WDR47: variants seen among roughly 807,000 people sequenced by gnomAD.
WDR47 encodes the protein WD repeat domain 47, also known as WD repeat-containing protein 47.
WDR47 carries 32 observed loss-of-function variants against 97.2 expected under a neutral mutation model. The ratio of observed to expected loss-of-function variants is 0.33; its 90% CI spans 0.25 to 0.44. The LOEUF (loss-of-function observed/expected upper bound fraction) is 0.44, where lower values mean the gene tolerates loss of function less well. Ranked by LOEUF, WDR47 falls within the 20% of genes least tolerant of loss-of-function variation. WDR47 has a pLI of 1.00. For missense variants in WDR47, 782 were observed against 1,102.3 expected, an observed-to-expected ratio of 0.71 and a Z score of 4.11; for synonymous variants, 375 against 373.5, an observed-to-expected ratio of 1.00 and a Z score of -0.05.
chr1:108,976,156 A>G (rs773373060), intron 13 of WDR47, among the ~76,000 whole-genome samples: 1 of 152,204 alleles, frequency 6.6e-6, no homozygotes, highest in Non-Finnish European at 1.5e-5. Flanking sequence ...CTAAGTGAAA[A>G]TGTGTATCAA....
chr1:109,008,273 C>CTT (rs200754295), intron 5 of WDR47, among the ~76,000 whole-genome samples: 1 of 148,898 alleles, frequency 6.7e-6, no homozygotes, highest in Non-Finnish European at 1.5e-5. Context: ...TCCTATACTT[C>CTT]TTTTTTTTTT....
intron 1 of WDR47, among the ~76,000 whole-genome samples, chr1:109,035,497 A>T (rs1364386692): frequency 1.3e-5 from 2 of 151,216 alleles, no homozygotes; most frequent in East Asian, 1.9e-4. Flanking sequence ...TACAATTTTT[A>T]AATTTTTTTT....
chr1:108,988,342 G>C (rs1279148838), intron 9 of WDR47, among the ~76,000 whole-genome samples: 1 of 150,656 alleles, frequency 6.6e-6, no homozygotes, highest in East Asian at 1.9e-4. Flanking sequence ...CTAACAAATA[G>C]AGTTTCATTT....
chr1:109,012,980 T>G (rs1661157437), intron 4 of WDR47, among the ~76,000 whole-genome samples: 1 of 152,178 alleles, frequency 6.6e-6, no homozygotes, highest in Non-Finnish European at 1.5e-5. Flanking sequence ...AAAATTCCTA[T>G]GTTGAAATCC....
chr1:109,013,943 A>AT lies in WDR47; in HGVS notation c.243-19_243-18insA. On this transcript the variant is annotated intron_variant, in intron 3 of 14. Coordinates refer to ENST00000369962, the MANE Select transcript of WDR47 (RefSeq NM_001142551.2). ...AACGAAACCTGTGGGAAAAAAATGA[A>AT]GCATTAATTTTTCCAATGTCTGATG... The AT allele has an allele frequency of 6.3e-7, 1 of 1,583,128 alleles. No homozygotes were observed. The highest frequency in any genetic ancestry group is 1.4e-5 in the African/African-American group (1 of 74,050).
At chr1:109,025,960 A>G (rs1377416992) in intron 1 of WDR47, among the ~76,000 whole-genome samples, 1 of 152,086 alleles carries the variant, frequency 6.6e-6, no homozygotes, top group African/African-American at 2.4e-5. Context: ...TCCCTTTCCT[A>G]TCTTCTGAGC....
At chr1:108,995,554 C>A in intron 8 of WDR47, 26 bp downstream of exon 8, 2 of 1,609,618 alleles carry the variant, frequency 1.2e-6, no homozygotes, top group Non-Finnish European at 1.7e-6. Context: ...TTAATATTTC[C>A]AAGTTTTACA....
intron 7 of WDR47, among the ~76,000 whole-genome samples, chr1:108,997,824 AAAG>A (rs1481800487): frequency 6.6e-6 from 1 of 151,646 alleles, no homozygotes. Context: ...GGGAGGGAGG[AAAG>A]AAGATTTAGA....
rs558226212 is a variant in WDR47, at chr1:109,019,288, G to A, written c.159-1687C>T. ...ATCCCAGCTTACTCGGGAAGCTGAGGCAGGGAGAATTGCTTGAACCTACAA... is the reference window on the plus strand; with the variant it reads ...ATCCCAGCTTACTCGGGAAGCTGAGACAGGGAGAATTGCTTGAACCTACAA... On this transcript the variant is annotated intron_variant, in intron 2 of 14. Transcript: ENST00000369962. Among the ~76,000 whole-genome samples the A allele has an allele frequency of 7.3e-5, 11 of 151,406 alleles. No homozygotes were observed. The South Asian group carries it at 2.3e-3, about 32-fold the overall frequency.
rs1658363658 is a variant in WDR47 at position 108,981,789 on chromosome 1, CA to C, written c.2341del (p.Trp781GlyfsTer26). ...AACACAACTTGGTACTCGAAGATCC[CA>C]AAATCTAACAGTCTTATCTTGGGAA... ...SGSQDKTVRF[W>X]DLRVPSCVRV... On this transcript the variant is annotated frameshift_variant, in exon 13 of 15. Transcript: ENST00000369962. LOFTEE classifies it high-confidence loss of function. The C allele has an allele frequency of 1.2e-6, 2 of 1,613,850 alleles. No individual in the cohort carries two copies. The highest frequency in any genetic ancestry group is 1.7e-6 in the Non-Finnish European group (2 of 1,179,894).
Position 108,981,755 on chromosome 1 carries a change from A to C in WDR47, c.2376T>G (p.Val792=), listed in dbSNP as rs1469071970. ...TACCAGTTCCATGAAATGTTGTGCC[A>C]ACAACACGAACACAACTTGGTACTC... ...DLRVPSCVRV[V]GTTFHGTGSA... The change falls in exon 13 of 15, where the codon GTT becomes GTG. Residue 792 remains valine (V), a synonymous_variant. Coordinates refer to ENST00000369962, the MANE Select transcript of WDR47 (RefSeq NM_001142551.2). 1 of 1,613,364 alleles carries C rather than the reference A, an allele frequency of 6.2e-7. No individual in the cohort carries two copies. The highest frequency in any genetic ancestry group is 8.5e-7 in the Non-Finnish European group (1 of 1,179,694).
At chr1:109,002,064 C>T (rs1021331690) in intron 7 of WDR47, among the ~76,000 whole-genome samples, 160 bp downstream of exon 7, 1 of 152,132 alleles carries the variant, frequency 6.6e-6, no homozygotes, top group African/African-American at 2.4e-5. Context: ...TAGATGAGCC[C>T]TCGGAATGCT....
intron 7 of WDR47, among the ~76,000 whole-genome samples, chr1:108,998,492 A>G (rs1571185278): frequency 6.6e-6 from 1 of 151,170 alleles, no homozygotes; most frequent in African/African-American, 2.4e-5. Context: ...ACAGAGCAAG[A>G]CTCCGCCTCA....
intron 1 of WDR47, among the ~76,000 whole-genome samples, chr1:109,035,778 G>A (rs1662903121): frequency 6.6e-6 from 1 of 151,602 alleles, no homozygotes; most frequent in African/African-American, 2.4e-5. Flanking sequence ...TTACAGGCAT[G>A]AGCCACTATG....
chr1:109,020,474 G>C (rs1254298058), intron 2 of WDR47, among the ~76,000 whole-genome samples: 1 of 152,088 alleles, frequency 6.6e-6, no homozygotes, highest in Non-Finnish European at 1.5e-5. Flanking sequence ...GCATTAGCCA[G>C]GATGGTCTCG....
At chr1:108,991,130 G>A (rs1407330389) in intron 9 of WDR47, 124 bp downstream of exon 9, 38 of 740,828 alleles carry the variant, frequency 5.1e-5, no homozygotes, top group African/African-American at 1.8e-4. Flanking sequence ...CTTCTGCCTC[G>A]GCCTCCTGGG....
intron 4 of WDR47, among the ~76,000 whole-genome samples, chr1:109,012,979 A>G (rs1463684694): frequency 1.3e-5 from 2 of 152,128 alleles, no homozygotes; most frequent in Admixed American, 1.3e-4. Context: ...TAAAATTCCT[A>G]TGTTGAAATC....
intron 1 of WDR47, among the ~76,000 whole-genome samples, chr1:109,024,487 C>A (rs1171074765): frequency 1.3e-5 from 2 of 151,970 alleles, no homozygotes; most frequent in Non-Finnish European, 2.9e-5. Flanking sequence ...CAACTTTAGT[C>A]ATATGGGTAA....
At chr1:109,034,206 T>A (rs1273978477) in intron 1 of WDR47, among the ~76,000 whole-genome samples, 1 of 152,170 alleles carries the variant, frequency 6.6e-6, no homozygotes, top group South Asian at 2.1e-4. Flanking sequence ...TAGAATCACC[T>A]GAACCCAGGA....
Sources: allele counts gnomAD v4.1 joint callset (sites outside exome capture counted in the v4.1 genomes callset), GRCh38; gene constraint gnomAD v4.1.1; transcripts MANE v1.5; gene names NCBI Gene and HGNC (gene_info 2026-07-23, HGNC 2026-07-21).